PALLD: variants seen among roughly 807,000 people sequenced by gnomAD.
The protein encoded by PALLD is palladin, cytoskeletal associated protein, also known as palladin.
A neutral mutation model predicts 123.5 loss-of-function variants in PALLD; 61 were observed. The observed-to-expected ratio is 0.49, with a 90% CI of 0.40 to 0.61. The LOEUF (loss-of-function observed/expected upper bound fraction) is 0.61, where lower values mean the gene tolerates loss of function less well. Ranked by LOEUF, PALLD falls within the 20% of genes least tolerant of loss-of-function variation. The pLI is 0.00. For missense variants in PALLD, 1,273 were observed against 1,377.0 expected (o/e 0.92, Z 1.20); for synonymous variants, 465 against 496.4 (o/e 0.94, Z 0.84).
At chr4:168,853,746 C>A (rs1174359986) in intron 10 of PALLD, among the ~76,000 whole-genome samples, 2 of 152,148 alleles carry the variant, frequency 1.3e-5, no homozygotes, top group African/African-American at 4.8e-5. Context: ...GGAGTTGATC[C>A]CAAGAGCAAG....
chr4:168,853,923 G>C (rs551673970), intron 10 of PALLD, among the ~76,000 whole-genome samples: 69 of 152,150 alleles, frequency 4.5e-4, no homozygotes, highest in Non-Finnish European at 9.0e-4. Context: ...TGACTTCTGC[G>C]GTTCTGACTT....
chr4:168,794,490 GCA>G (rs1386240845), intron 10 of PALLD, among the ~76,000 whole-genome samples: 17 of 136,918 alleles, frequency 1.2e-4, no homozygotes, highest in African/African-American at 4.2e-4. Flanking sequence ...ACACACACAT[GCA>G]CGCACACACA....
intron 10 of PALLD, chr4:168,863,875 C>G (rs570960130): frequency 6.6e-6 from 1 of 152,202 alleles, no homozygotes; most frequent in Non-Finnish European, 1.5e-5. Flanking sequence ...CACAAAAATA[C>G]TTACTAATCT....
In PALLD at chr4:168,555,217, C is replaced by G. The variant is rs1280062196; in HGVS notation, c.908+42805C>G. Among the ~76,000 whole-genome samples, 7 of 152,170 alleles carry G rather than the reference C, an allele frequency of 4.6e-5. No homozygotes were observed. In the South Asian group the frequency reaches 1.2e-3, roughly 27 times the overall value. On this transcript the variant is annotated intron_variant, in intron 2 of 21. Coordinates refer to ENST00000505667, the MANE Select transcript of PALLD (RefSeq NM_001166108.2). Reference sequence around the variant, plus strand: ...CAGTGAATTGAACTTGTGAATAAGTCCTAAGTGCCAGCAATGAAAGCGAAG... The same window carrying G: ...CAGTGAATTGAACTTGTGAATAAGTGCTAAGTGCCAGCAATGAAAGCGAAG...
chr4:168,851,851 G>A (rs908933342), intron 10 of PALLD, among the ~76,000 whole-genome samples: 7 of 152,116 alleles, frequency 4.6e-5, no homozygotes, highest in East Asian at 1.9e-4. Context: ...GCAGTCCACC[G>A]CATTTCAGGT....
At chr4:168,889,453 C>T (rs1753851814) in intron 10 of PALLD, among the ~76,000 whole-genome samples, 1 of 152,054 alleles carries the variant, frequency 6.6e-6, no homozygotes, top group Non-Finnish European at 1.5e-5. Context: ...CGTGAGCCAC[C>T]ACACCCGGCC....
chr4:168,673,472 A>C (rs1397438077), intron 3 of PALLD, among the ~76,000 whole-genome samples: 1 of 152,272 alleles, frequency 6.6e-6, no homozygotes, highest in African/African-American at 2.4e-5. Flanking sequence ...ATCAGGTGGA[A>C]GAGTTAGCTC....
intron 2 of PALLD, among the ~76,000 whole-genome samples, chr4:168,555,114 TGAAA>T (rs906893954): frequency 1.3e-5 from 2 of 152,200 alleles, no homozygotes; most frequent in African/African-American, 4.8e-5. Flanking sequence ...TAATGAAGTA[TGAAA>T]GAAAGAAACA....
At chr4:168,917,616 AT>A (rs1760465111) in intron 17 of PALLD, among the ~76,000 whole-genome samples, 1 of 152,182 alleles carries the variant, frequency 6.6e-6, no homozygotes, top group Non-Finnish European at 1.5e-5. Context: ...CTGGTTCTGT[AT>A]GGAATATGAG....
rs374042778 is a variant in PALLD, at chr4:168,641,102, A to G, written c.909-27088A>G. ...ATGTGCCTGTAGTCCCAGCTACTCG[A>G]GAGGCTGAGGCAGGAGAATGGCATG... is the stretch of plus-strand genomic sequence containing the variant. On this transcript the variant is annotated intron_variant, in intron 2 of 21. Coordinates refer to ENST00000505667, the MANE Select transcript of PALLD (RefSeq NM_001166108.2). 3.1e-3 allele frequency among the ~76,000 whole-genome samples: 465 copies of G among 151,840 alleles called. 24 individuals carry two copies. The South Asian group carries it at 0.085, about 28-fold the overall frequency.
In PALLD at chr4:168,638,298, G is replaced by A. The variant is rs192888216; in HGVS notation, c.909-29892G>A. On this transcript the variant is annotated intron_variant, in intron 2 of 21. Coordinates refer to ENST00000505667, the MANE Select transcript of PALLD (RefSeq NM_001166108.2). ...GGCTACTAAGTAACAGAGACAAAGC[G>A]GAAACCAAGGCTGTCTCAAGGCAAA... is the stretch of plus-strand genomic sequence containing the variant. Among the ~76,000 whole-genome samples, 14 of 152,232 alleles carry A rather than the reference G, an allele frequency of 9.2e-5. No individual in the cohort carries two copies. The East Asian group carries it at 9.7e-4, about 11-fold the overall frequency.
intron 10 of PALLD, among the ~76,000 whole-genome samples, chr4:168,887,116 CA>C (rs755173931): frequency 0.01 from 961 of 94,546 alleles, 10 homozygotes; most frequent in African/African-American, 0.035. Flanking sequence ...GACTCTGTCT[CA>C]AAAAAAAAAA....
At chr4:168,713,452 C>T (rs760313073) in intron 10 of PALLD, among the ~76,000 whole-genome samples, 6 of 152,206 alleles carry the variant, frequency 3.9e-5, no homozygotes, top group Non-Finnish European at 5.9e-5. Context: ...TAGGACTTGA[C>T]TGTGGTCTTG....
At chr4:168,857,254 C>T (rs1055117915) in intron 10 of PALLD, among the ~76,000 whole-genome samples, 3 of 152,290 alleles carry the variant, frequency 2.0e-5, no homozygotes, top group African/African-American at 4.8e-5. Flanking sequence ...CCAGAGGCAG[C>T]GCTCTGTAAG....
chr4:168,891,847 C>T (rs541925485), intron 11 of PALLD, among the ~76,000 whole-genome samples: 6 of 152,208 alleles, frequency 3.9e-5, no homozygotes, highest in African/African-American at 1.2e-4. Context: ...TACTTACACA[C>T]GCACACAAAT....
chr4:168,874,968 TGTAAGA>T (rs1333596291), intron 10 of PALLD, among the ~76,000 whole-genome samples: 1 of 152,098 alleles, frequency 6.6e-6, no homozygotes, highest in East Asian at 1.9e-4. Flanking sequence ...GGATTACTTG[TGTAAGA>T]CCAAAGATTT....
intron 2 of PALLD, among the ~76,000 whole-genome samples, chr4:168,612,305 A>G (rs1773811731): frequency 6.6e-6 from 1 of 151,688 alleles, no homozygotes; most frequent in Admixed American, 6.6e-5. Context: ...TCATCTCTTC[A>G]ACCCCCTTGA....
intron 10 of PALLD, among the ~76,000 whole-genome samples, chr4:168,780,390 G>C (rs1017854579): frequency 9.2e-5 from 14 of 152,216 alleles, no homozygotes; most frequent in African/African-American, 3.4e-4. Context: ...GCTCTCTGAA[G>C]ATTTTAATCC....
intron 10 of PALLD, among the ~76,000 whole-genome samples, chr4:168,722,265 C>G (rs1407736971): frequency 6.6e-6 from 1 of 152,094 alleles, no homozygotes; most frequent in Non-Finnish European, 1.5e-5. Context: ...AGCCAGGTCT[C>G]AAGCAATCTG....
Sources: allele counts gnomAD v4.1 joint callset (sites outside exome capture counted in the v4.1 genomes callset), GRCh38; gene constraint gnomAD v4.1.1; transcripts MANE v1.5; gene names NCBI Gene and HGNC (gene_info 2026-07-23, HGNC 2026-07-21).